The following KATNIP variants were observed in gnomAD, a reference collection of about 807,000 sequenced individuals.
The protein encoded by KATNIP is katanin interacting protein.
KATNIP carries 126 observed loss-of-function variants against 174.0 expected under a neutral mutation model. The observed-to-expected ratio is 0.72, with a 90% CI of 0.63 to 0.84. KATNIP has a LOEUF of 0.84. KATNIP is among the 40% of genes least tolerant of loss of function. The pLI is 0.00. For synonymous variants in KATNIP, 810 were observed against 835.7 expected (o/e 0.97, Z 0.53); for missense variants, 1,958 against 2,109.7 (o/e 0.93, Z 1.41).
chr16:27,677,637 G>T, intron 6 of KATNIP, 92 bp from the exon 7 acceptor site: 1 of 1,278,880 alleles, frequency 7.8e-7, no homozygotes, highest in Admixed American at 2.3e-5. Context: ...AGTTTGGGGA[G>T]AATAATTCTT....
chr16:27,740,236 G>C lies in KATNIP; in HGVS notation c.1939G>C (p.Ala647Pro). The C allele has an allele frequency of 6.2e-7, 1 of 1,614,248 alleles. No individual in the cohort carries two copies. The highest frequency in any genetic ancestry group is 8.5e-7 in the Non-Finnish European group (1 of 1,180,038). ...SEESKGTHEMAGASGDKELGL... is the reference protein window; with the variant it reads ...SEESKGTHEMPGASGDKELGL... ...AGAAAGCAAAGGCACCCATGAGATGGCTGGTGCCAGCGGGGACAAGGAGCT... is the reference window on the plus strand; with the variant it reads ...AGAAAGCAAAGGCACCCATGAGATGCCTGGTGCCAGCGGGGACAAGGAGCT... Residue 647 changes from alanine (A) to proline (P), a missense_variant, in exon 15 of 28, where the codon GCT (alanine) becomes CCT (proline). Ala to Pro is a conservative substitution (Grantham distance 27, BLOSUM62 -1). Transcript: ENST00000261588.
rs373787263 is a variant in KATNIP, at chr16:27,585,171, A to G, written c.63+11215A>G. ...TACTTACCTCCCCAAACTCAATGCA[A>G]TTAACTACAGCCAGATTCCAGTTAG... On this transcript the variant is annotated intron_variant, in intron 2 of 27. Coordinates refer to ENST00000261588, the MANE Select transcript of KATNIP (RefSeq NM_015202.5). Among the ~76,000 whole-genome samples the G allele has an allele frequency of 4.6e-5, 7 of 152,316 alleles. No individual in the cohort carries two copies. In the South Asian group the frequency reaches 1.5e-3, roughly 32 times the overall value.
rs1048524253 is a variant in KATNIP at position 27,637,982 on chromosome 16, G to A, written c.408+6820G>A. Among the ~76,000 whole-genome samples the A allele has an allele frequency of 6.6e-5, 10 of 152,318 alleles. No homozygotes were observed. Among genetic ancestry groups the A allele is most frequent in the African/African-American group, 2.4e-4 (10 of 41,574 alleles). ...CCTTGCACTTCTGTTCCCTGTCCCT[G>A]AGCTGCCGCCAACTCGTAGCTTCAG... On this transcript the variant is annotated intron_variant, in intron 5 of 27. Coordinates refer to ENST00000261588, the MANE Select transcript of KATNIP (RefSeq NM_015202.5). This position sits in a 1 kb window ranked among gnomAD's most constrained non-coding sequence, Gnocchi z 4.7.
Position 27,779,774 on chromosome 16 carries a change from T to C in KATNIP, c.*1145T>C, listed in dbSNP as rs1597445149. 6.6e-6 allele frequency: 1 copy of C among 152,104 alleles called. No individual in the cohort carries two copies. The highest frequency in any genetic ancestry group is 2.1e-4 in the South Asian group (1 of 4,828). The allele number at this position is 152,104 out of a possible 1,614,324, so 9.4% of individuals were successfully genotyped here. On this transcript the variant is annotated 3_prime_UTR_variant, in exon 28 of 28. Coordinates refer to ENST00000261588, the MANE Select transcript of KATNIP (RefSeq NM_015202.5). ...TAACAAGCTCGGATCAGGGACCTAA[T>C]TGGTTTCCCAGTAGTGGGTAATTTC...
intron 15 of KATNIP, among the ~76,000 whole-genome samples, chr16:27,743,284 T>C (rs2081172614): frequency 6.6e-6 from 1 of 152,148 alleles, no homozygotes; most frequent in Non-Finnish European, 1.5e-5. Flanking sequence ...GTTAATTACA[T>C]GTCTTAATGC....
chr16:27,694,712 C>T (rs1416103784), intron 8 of KATNIP, among the ~76,000 whole-genome samples: 2 of 152,096 alleles, frequency 1.3e-5, no homozygotes, highest in East Asian at 3.8e-4. Flanking sequence ...TCAAGAATTG[C>T]TTGAACCCCA....
Position 27,711,013 on chromosome 16 carries a change from A to G in KATNIP, c.1605+2093A>G, listed in dbSNP as rs143820558. ...AAGCTGAAAAATGGGAGATTGGGTC[A>G]ATCATCTGTTCAGATTCTTAGATTT... is the stretch of plus-strand genomic sequence containing the variant. On this transcript the variant is annotated intron_variant, in intron 13 of 27. Coordinates refer to ENST00000261588, the MANE Select transcript of KATNIP (RefSeq NM_015202.5). Among the ~76,000 whole-genome samples, 263 of 152,294 alleles carry G rather than the reference A, an allele frequency of 1.7e-3. 1 individual carries two copies. Among genetic ancestry groups the G allele is most frequent in the Middle Eastern group, 6.8e-3 (2 of 294 alleles).
chr16:27,604,979 A>C (rs2075654146), intron 2 of KATNIP, among the ~76,000 whole-genome samples: 2 of 152,166 alleles, frequency 1.3e-5, no homozygotes, highest in Non-Finnish European at 2.9e-5. Flanking sequence ...TGCAGGCTGG[A>C]GTGCAGTGGC....
intron 8 of KATNIP, among the ~76,000 whole-genome samples, chr16:27,692,329 G>T (rs563644395): frequency 6.6e-6 from 1 of 152,312 alleles, no homozygotes; most frequent in East Asian, 1.9e-4. Context: ...AGAACCATGT[G>T]GTTGGGTGAT....
chr16:27,611,390 A>C (rs1473039341), intron 2 of KATNIP, among the ~76,000 whole-genome samples: 1 of 152,200 alleles, frequency 6.6e-6, no homozygotes, highest in Admixed American at 6.5e-5. Context: ...TAGGCAAGGA[A>C]ATAAAGCCTC....
intron 5 of KATNIP, among the ~76,000 whole-genome samples, chr16:27,640,275 G>T (rs993834809): frequency 6.6e-6 from 1 of 152,232 alleles, no homozygotes; most frequent in African/African-American, 2.4e-5. Context: ...AAGAGCAGCC[G>T]CTTTGAAACA....
chr16:27,550,977 C>T (rs1266249169), intron 1 of KATNIP, among the ~76,000 whole-genome samples: 1 of 152,190 alleles, frequency 6.6e-6, no homozygotes, highest in Non-Finnish European at 1.5e-5. Context: ...ATCAATTCCT[C>T]ACCTGAAAGG....
intron 1 of KATNIP, among the ~76,000 whole-genome samples, chr16:27,561,099 C>T (rs1310872717): frequency 6.6e-6 from 1 of 151,816 alleles, no homozygotes; most frequent in Non-Finnish European, 1.5e-5. Flanking sequence ...GCAACCTCCG[C>T]CTCCTGGGTT....
chr16:27,586,918 CTTTTTTTTTTTTTTTA>C (rs1364627861), intron 2 of KATNIP, among the ~76,000 whole-genome samples: 2 of 136,744 alleles, frequency 1.5e-5, no homozygotes, highest in Non-Finnish European at 3.2e-5. Context: ...ACTTCTTCTT[CTTTTTTTTTTTTTTTA>C]ATATAGAAAC....
At chr16:27,574,007 A>G (rs756111719) in intron 2 of KATNIP, 51 bp downstream of exon 2, 1 of 1,531,660 alleles carries the variant, frequency 6.5e-7, no homozygotes, top group South Asian at 1.1e-5. Context: ...ATTTGAAAGG[A>G]CCTGAGGGAG....
intron 1 of KATNIP, among the ~76,000 whole-genome samples, chr16:27,565,456 ACT>A (rs1227657431): frequency 6.8e-6 from 1 of 146,906 alleles, no homozygotes; most frequent in East Asian, 2.0e-4. Flanking sequence ...ACAGAGTGAG[ACT>A]CTGTCTCAAA....
At chr16:27,687,770 A>T (rs752107647) in intron 8 of KATNIP, among the ~76,000 whole-genome samples, 1 of 152,212 alleles carries the variant, frequency 6.6e-6, no homozygotes, top group Non-Finnish European at 1.5e-5. Context: ...CAAGCTGCCA[A>T]CCACAGAAAT....
At chr16:27,564,923 C>T (rs2090027637) in intron 1 of KATNIP, among the ~76,000 whole-genome samples, 1 of 151,874 alleles carries the variant, frequency 6.6e-6, no homozygotes, top group Admixed American at 6.6e-5. Flanking sequence ...GCCACCACAC[C>T]CGGCTAATTT....
rs147640885 is a variant in KATNIP, at chr16:27,663,714, C to T, written c.541-14015C>T. Among the ~76,000 whole-genome samples, 138 of 152,086 alleles carry T rather than the reference C, an allele frequency of 9.1e-4. 1 individual carries two copies. Among genetic ancestry groups the T allele is most frequent in the Non-Finnish European group, 1.5e-3 (101 of 67,974 alleles). On this transcript the variant is annotated intron_variant, in intron 6 of 27. Transcript: ENST00000261588. ...CCTCAGGTGATCCGCCTGCCTTGGC[C>T]TCCTAAAGTGTTGGGATTACAGGCG...
Sources: allele counts gnomAD v4.1 joint callset (sites outside exome capture counted in the v4.1 genomes callset), GRCh38; gene constraint gnomAD v4.1.1; non-coding constraint Gnocchi (gnomAD v3.1); transcripts MANE v1.5; gene names NCBI Gene and HGNC (gene_info 2026-07-23, HGNC 2026-07-21).